MACC1: variants seen among roughly 807,000 people sequenced by gnomAD.
MACC1 encodes the protein metastasis-associated in colon cancer protein 1.
Under a neutral mutation model 70.7 loss-of-function variants are expected in MACC1, and 79 were observed. The ratio of observed to expected loss-of-function variants is 1.12; its 90% CI spans 0.93 to 1.35. MACC1 has a LOEUF of 1.35. MACC1 is among the 40% of genes most tolerant of loss of function. MACC1 has a pLI of 0.00. For synonymous variants in MACC1, 361 were observed against 347.2 expected (o/e 1.04, Z -0.44); for missense variants, 1,106 against 978.1 (o/e 1.13, Z -1.74).
chr7:20,181,007 A>G (rs1262319437), intron 1 of MACC1, among the ~76,000 whole-genome samples: 1 of 152,220 alleles, frequency 6.6e-6, no homozygotes, highest in Non-Finnish European at 1.5e-5. Flanking sequence ...TGATTTTGAA[A>G]AAGCATAAAT....
intron 1 of MACC1, among the ~76,000 whole-genome samples, chr7:20,176,879 G>A (rs1030891593): frequency 2.8e-4 from 42 of 152,122 alleles, no homozygotes; most frequent in African/African-American, 9.9e-4. Flanking sequence ...TATAGTGATG[G>A]CGAGCAGATT....
In MACC1 at chr7:20,176,266, T is replaced by C. The variant is rs990717981; in HGVS notation, c.-217-5488A>G. 7.9e-5 allele frequency among the ~76,000 whole-genome samples: 12 copies of C among 152,068 alleles called. No homozygotes were observed. The South Asian group carries it at 8.3e-4, about 11-fold the overall frequency. On this transcript the variant is annotated intron_variant, in intron 1 of 6. Coordinates refer to ENST00000400331, the MANE Select transcript of MACC1 (RefSeq NM_182762.4). ...TGTTGCGCATCTTAAATATATACAATCTTCATCAATTATACCTCAATAAAA... is the reference window on the plus strand; with the variant it reads ...TGTTGCGCATCTTAAATATATACAACCTTCATCAATTATACCTCAATAAAA...
chr7:20,176,681 C>T (rs1463010341), intron 1 of MACC1, among the ~76,000 whole-genome samples: 1 of 152,106 alleles, frequency 6.6e-6, no homozygotes, highest in Admixed American at 6.5e-5. Flanking sequence ...ACCAAAATGT[C>T]CTTCAGTGAG....
rs1252923072 is a variant in MACC1 at position 20,135,343 on chromosome 7, TATAA to T, written c.*5599_*5602del. 6.6e-6 allele frequency: 1 copy of T among 152,250 alleles called. No homozygotes were observed. Among genetic ancestry groups the T allele is most frequent in the Non-Finnish European group, 1.5e-5 (1 of 68,046 alleles). 9.4% of individuals were successfully genotyped at this position (152,250 alleles called of 1,614,324 possible). A position where few individuals can be genotyped will look rare whatever the true frequency, so the allele number is the denominator to read the frequency against. ...ATTAACTCATGAAAAGTTCACTTGC[TATAA>T]ATAGAGCCTTAACATAAAGTGATTT... On this transcript the variant is annotated 3_prime_UTR_variant, in exon 7 of 7. Transcript: ENST00000400331.
intron 1 of MACC1, among the ~76,000 whole-genome samples, chr7:20,211,095 T>C (rs1283145304): frequency 6.6e-6 from 1 of 152,160 alleles, no homozygotes; most frequent in Admixed American, 6.5e-5. Flanking sequence ...TTAAGGACTG[T>C]AATAATTTGA....
intron 1 of MACC1, among the ~76,000 whole-genome samples, chr7:20,194,707 A>C (rs1233434918): frequency 3.3e-5 from 5 of 152,248 alleles, no homozygotes; most frequent in Non-Finnish European, 7.3e-5. Context: ...CGTCTTGGTA[A>C]TGAGAATTTA....
Position 20,141,050 on chromosome 7 carries a change from T to A in MACC1, c.2455A>T (p.Asn819Tyr), listed in dbSNP as rs141024206. 1,536 of 1,614,014 alleles carry A rather than the reference T, an allele frequency of 9.5e-4. No homozygotes were observed. The highest frequency in any genetic ancestry group is 1.2e-3 in the Non-Finnish European group (1,460 of 1,179,902). The part of the protein sequence containing the change: ...DLQSALDRMK[N>Y]PVTKHWRELT... ...TCTCTCCAGTGTTTAGTCACAGGGT[T>A]TTTCATTCTGTCCAAAGCTGACTGA... Residue 819 changes from asparagine to tyrosine, a missense_variant, in exon 7 of 7, where the codon AAC (asparagine) becomes TAC (tyrosine). Asn to Tyr is a moderately radical substitution (Grantham distance 143). Coordinates refer to ENST00000400331, the MANE Select transcript of MACC1 (RefSeq NM_182762.4).
In MACC1 at chr7:20,182,975, G is replaced by A. The variant is rs117597135; in HGVS notation, c.-217-12197C>T. ...TTAAACATTTAAATAGAACTTAATT[G>A]AATTTGACGAGTGGGGTAGCCTGAA... On this transcript the variant is annotated intron_variant, in intron 1 of 6. Transcript: ENST00000400331. Among the ~76,000 whole-genome samples the A allele has an allele frequency of 4.1e-4, 62 of 152,310 alleles. No homozygotes were observed. The East Asian group carries it at 0.012, about 29-fold the overall frequency.
intron 1 of MACC1, among the ~76,000 whole-genome samples, chr7:20,200,603 C>A (rs184864281): frequency 4.3e-4 from 66 of 152,280 alleles, no homozygotes; most frequent in African/African-American, 1.4e-3. Context: ...GATGTAATTA[C>A]CTAAGAAGGG....
intron 4 of MACC1, among the ~76,000 whole-genome samples, chr7:20,161,426 G>C (rs73082536): frequency 0.069 from 10,507 of 151,916 alleles, 560 homozygotes; most frequent in East Asian, 0.27. Context: ...TTTCCTCTGA[G>C]GATCAGGTTA....
chr7:20,199,029 A>G (rs1782793621), intron 1 of MACC1, among the ~76,000 whole-genome samples: 1 of 152,252 alleles, frequency 6.6e-6, no homozygotes, highest in African/African-American at 2.4e-5. Flanking sequence ...CGAGTGTATT[A>G]TTCAGCTGCC....
intron 6 of MACC1, among the ~76,000 whole-genome samples, chr7:20,151,418 T>C (rs1562582612): frequency 6.6e-6 from 1 of 152,216 alleles, no homozygotes; most frequent in South Asian, 2.1e-4. Flanking sequence ...ACCTTGGCAA[T>C]AGTGACATCT....
rs769783720 is a variant in MACC1, at chr7:20,158,592, C to T, written c.1769G>A (p.Gly590Asp). ...LLGEGKVKAI[G>D]QSKVKEWYVG... is the part of the protein sequence containing the mutation. Reference sequence around the variant, plus strand: ...ATACCATTCTTTCACTTTGGACTGACCAATAGCTTTTACCTTACCTTCCCC... The same window carrying T: ...ATACCATTCTTTCACTTTGGACTGATCAATAGCTTTTACCTTACCTTCCCC... Residue 590 changes from glycine (G) to aspartate (D), a missense_variant, in exon 5 of 7, where the codon GGT becomes GAT. Transcript: ENST00000400331. 1.2e-6 allele frequency: 2 copies of T among 1,613,932 alleles called. No individual in the cohort carries two copies. Among genetic ancestry groups the T allele is most frequent in the Admixed American group, 3.3e-5 (2 of 59,992 alleles).
At chr7:20,206,820 G>A (rs962532742) in intron 1 of MACC1, among the ~76,000 whole-genome samples, 1 of 152,208 alleles carries the variant, frequency 6.6e-6, no homozygotes, top group Non-Finnish European at 1.5e-5. Context: ...TGAAAGGAAT[G>A]AGGACATCCC....
At chr7:20,209,654 G>A (rs978784812) in intron 1 of MACC1, among the ~76,000 whole-genome samples, 1 of 152,208 alleles carries the variant, frequency 6.6e-6, no homozygotes, top group Non-Finnish European at 1.5e-5. Flanking sequence ...GGACTTTTGG[G>A]TTAATGCTGG....
intron 1 of MACC1, among the ~76,000 whole-genome samples, chr7:20,172,815 C>T (rs1359846882): frequency 6.6e-6 from 1 of 152,196 alleles, no homozygotes; most frequent in Non-Finnish European, 1.5e-5. Flanking sequence ...AGGTGGAATA[C>T]TCAAGGTCAG....
intron 1 of MACC1, among the ~76,000 whole-genome samples, chr7:20,212,092 G>A (rs935328746): frequency 2.0e-5 from 3 of 152,112 alleles, no homozygotes; most frequent in East Asian, 1.9e-4. Flanking sequence ...CAGTGATATC[G>A]ACAAAGATAG....
chr7:20,154,122 T>C (rs1583384971), intron 6 of MACC1, 71 bp downstream of exon 6: 1 of 1,500,580 alleles, frequency 6.7e-7, no homozygotes, highest in East Asian at 2.3e-5. Context: ...GAATGTGGTA[T>C]GGGTTTGATT....
At chr7:20,168,738 C>G (rs1446320976) in intron 2 of MACC1, among the ~76,000 whole-genome samples, 2 of 152,168 alleles carry the variant, frequency 1.3e-5, no homozygotes, top group Non-Finnish European at 2.9e-5. Context: ...GCACACATGT[C>G]AGGTTACAAT....
Sources: gnomAD v4.1 joint callset for allele counts (sites outside exome capture counted in the v4.1 genomes callset) on GRCh38, gnomAD v4.1.1 for gene constraint, MANE v1.5 for transcripts, NCBI Gene and HGNC (gene_info 2026-07-23, HGNC 2026-07-21) for gene names.